WDFY3: variants seen among roughly 807,000 people sequenced by gnomAD.
The protein encoded by WDFY3 is WD repeat and FYVE domain containing 3.
WDFY3 carries 66 observed loss-of-function variants against 409.6 expected under a neutral mutation model. The ratio of observed to expected loss-of-function variants is 0.16; its 90% confidence interval spans 0.13 to 0.20. The LOEUF (loss-of-function observed/expected upper bound fraction) is 0.20, where lower values mean the gene tolerates loss of function less well. Ranked by LOEUF, WDFY3 falls within the 10% of genes least tolerant of loss-of-function variation. The pLI is 1.00. For synonymous variants in WDFY3, 1,521 were observed against 1,537.1 expected (o/e 0.99, Z 0.25); for missense variants, 3,031 against 4,298.1 (o/e 0.71, Z 8.24).
At chr4:84,681,075 A>G (rs2148770441) in intron 64 of WDFY3, among the ~76,000 whole-genome samples, 1 of 152,276 alleles carries the variant, frequency 6.6e-6, no homozygotes. Context: ...CAGCTTTGGA[A>G]GCGGCTTTAA....
At chr4:84,782,538 G>A (rs1746720096) in intron 25 of WDFY3, among the ~76,000 whole-genome samples, 1 of 152,076 alleles carries the variant, frequency 6.6e-6, no homozygotes, top group East Asian at 1.9e-4. Context: ...CCCTCCCCTT[G>A]GCCCACTTCC....
At chr4:84,705,332 C>T in intron 54 of WDFY3, 62 bp downstream of exon 54, 1 of 1,342,722 alleles carries the variant, frequency 7.4e-7, no homozygotes. Flanking sequence ...TGTCAGACCG[C>T]TACATAATGA....
chr4:84,685,448 G>A (rs915841252), intron 62 of WDFY3, among the ~76,000 whole-genome samples: 1 of 152,214 alleles, frequency 6.6e-6, no homozygotes, highest in African/African-American at 2.4e-5. Flanking sequence ...AAGCACTGTT[G>A]TGTCTGCTTC....
At chr4:84,820,990 T>C in intron 11 of WDFY3, 94 bp downstream of exon 11, 1 of 1,233,332 alleles carries the variant, frequency 8.1e-7, no homozygotes, top group Non-Finnish European at 1.1e-6. Flanking sequence ...AGGAAGTCAT[T>C]GAAATCAATA....
chr4:84,832,663 G>C (rs1032495235), intron 7 of WDFY3, among the ~76,000 whole-genome samples: 2 of 152,078 alleles, frequency 1.3e-5, no homozygotes, highest in African/African-American at 2.4e-5. Context: ...AAAACCGTAA[G>C]AGTGTATGTA....
chr4:84,687,331 C>T (rs1259157424), intron 62 of WDFY3, among the ~76,000 whole-genome samples: 6 of 152,018 alleles, frequency 3.9e-5, no homozygotes, highest in South Asian at 2.1e-4. Flanking sequence ...TTAGTAGAGA[C>T]GGAGTTTCAC....
chr4:84,735,166 G>T, intron 42 of WDFY3, 46 bp from the exon 43 acceptor site: 1 of 1,519,984 alleles, frequency 6.6e-7, no homozygotes, highest in South Asian at 1.2e-5. Flanking sequence ...TGGATTTCTG[G>T]AAAAAAATAG....
intron 36 of WDFY3, among the ~76,000 whole-genome samples, chr4:84,747,689 TAGTG>T (rs1305530458): frequency 6.6e-6 from 1 of 152,086 alleles, no homozygotes; most frequent in Non-Finnish European, 1.5e-5. Context: ...GTTCTTGTGA[TAGTG>T]AGTGAGTTCT....
chr4:84,929,060 A>C (rs549938231), intron 2 of WDFY3, among the ~76,000 whole-genome samples: 58 of 152,284 alleles, frequency 3.8e-4, no homozygotes, highest in African/African-American at 1.3e-3. Flanking sequence ...TATATTACAA[A>C]AACACTGGGC....
intron 32 of WDFY3, among the ~76,000 whole-genome samples, 178 bp from the exon 33 acceptor site, chr4:84,757,339 A>T (rs185310898): frequency 0.011 from 1,698 of 152,312 alleles, 26 homozygotes; most frequent in African/African-American, 0.039. Context: ...TTTACTTTAC[A>T]ATTTGTTTGA....
Position 84,692,955 on chromosome 4 carries a change from T to C in WDFY3, c.8979A>G (p.Pro2993=). 1 of 1,613,774 alleles carries C rather than the reference T, an allele frequency of 6.2e-7. No individual in the cohort carries two copies. Among genetic ancestry groups the C allele is most frequent in the Non-Finnish European group, 8.5e-7 (1 of 1,179,966 alleles). ...NGDNAGISVL[P]GSTSDKIFFH... is the part of the protein sequence containing the mutation. ...AAAAGATCTTGTCACTTGTAGATCC[T>C]GGTAGGACAGAGATTCCTGCATTGT... Residue 2993 remains proline, a synonymous_variant, in exon 59 of 68, where the codon CCA becomes CCG. Transcript: ENST00000295888.
intron 3 of WDFY3, among the ~76,000 whole-genome samples, chr4:84,888,426 T>C (rs1764506102): frequency 6.6e-6 from 1 of 152,098 alleles, no homozygotes; most frequent in Non-Finnish European, 1.5e-5. Flanking sequence ...AATTCTTTTA[T>C]TAATGAGAAA....
At chr4:84,802,233 C>A (rs1271712663) in intron 16 of WDFY3, among the ~76,000 whole-genome samples, 1 of 151,808 alleles carries the variant, frequency 6.6e-6, no homozygotes, top group Non-Finnish European at 1.5e-5. Flanking sequence ...AGGCGTGAGC[C>A]ACCGCACCCG....
chr4:84,694,952 G>A (rs1240281608), intron 58 of WDFY3, among the ~76,000 whole-genome samples: 1 of 151,996 alleles, frequency 6.6e-6, no homozygotes, highest in East Asian at 1.9e-4. Flanking sequence ...GTCAACCCTG[G>A]AAACCTCAAG....
intron 1 of WDFY3, among the ~76,000 whole-genome samples, chr4:84,949,463 T>C (rs1428304233): frequency 2.6e-5 from 4 of 152,196 alleles, no homozygotes; most frequent in African/African-American, 9.6e-5. Context: ...TTATAGCATA[T>C]TGAAAAGGCC....
Position 84,743,794 on chromosome 4 carries a change from G to A in WDFY3, c.5979C>T (p.Ser1993=), listed in dbSNP as rs766843061. ...TPLIDLLLEA[S]PERSTRTQQK... ...GCTGAGTTCTTGTAGACCTTTCAGGGGAAGCCTAATCAAGAAAATTTAGAA... is the reference window on the plus strand; with the variant it reads ...GCTGAGTTCTTGTAGACCTTTCAGGAGAAGCCTAATCAAGAAAATTTAGAA... Residue 1993 remains serine (S), a synonymous_variant, in exon 37 of 68, where the codon TCC becomes TCT. Coordinates refer to ENST00000295888, the MANE Select transcript of WDFY3 (RefSeq NM_014991.6). 1.3e-5 allele frequency: 21 copies of A among 1,556,586 alleles called. No homozygotes were observed. The South Asian group carries it at 1.9e-4, about 14-fold the overall frequency.
chr4:84,950,022 G>C (rs562552303), intron 1 of WDFY3, among the ~76,000 whole-genome samples: 1 of 152,248 alleles, frequency 6.6e-6, no homozygotes, highest in South Asian at 2.1e-4. Context: ...TGATAGACTG[G>C]ATAAAGAAAA....
chr4:84,860,863 A>C (rs1394884313), intron 3 of WDFY3, among the ~76,000 whole-genome samples: 1 of 152,198 alleles, frequency 6.6e-6, no homozygotes, highest in African/African-American at 2.4e-5. Flanking sequence ...TAAAATGTAA[A>C]ACATTAATCA....
intron 36 of WDFY3, among the ~76,000 whole-genome samples, chr4:84,744,153 A>T (rs1432684248): frequency 6.7e-6 from 1 of 148,906 alleles, no homozygotes; most frequent in African/African-American, 2.4e-5. Context: ...AAAAACTGTT[A>T]TAACAGTTTA....
Sources: gnomAD v4.1 joint callset for allele counts (sites outside exome capture counted in the v4.1 genomes callset) on GRCh38, gnomAD v4.1.1 for gene constraint, MANE v1.5 for transcripts, NCBI Gene and HGNC (gene_info 2026-07-23, HGNC 2026-07-21) for gene names.